Variants in ESRRB observed in about 807,000 individuals in gnomAD.
ESRRB encodes the protein estrogen related receptor beta.
A neutral mutation model predicts 46.0 loss-of-function variants in ESRRB; 16 were observed. The ratio of observed to expected loss-of-function variants is 0.35; its 90% CI spans 0.24 to 0.53. The LOEUF is 0.53. Among genes scored for constraint, ESRRB ranks in the 20% least tolerant of loss-of-function variants. The probability of loss-of-function intolerance (pLI) is 0.93; values close to 1 mark genes in which losing one functional copy is unlikely to be tolerated. For missense variants in ESRRB, 488 were observed against 607.4 expected, an observed-to-expected ratio of 0.80 and a Z score of 2.07; for synonymous variants, 246 against 259.6, an observed-to-expected ratio of 0.95 and a Z score of 0.50.
intron 1 of ESRRB, among the ~76,000 whole-genome samples, chr14:76,353,298 C>T (rs535634609): frequency 1.3e-5 from 2 of 152,292 alleles, no homozygotes; most frequent in African/African-American, 2.4e-5. Flanking sequence ...TCCCCAACCC[C>T]ACCACTTTTT....
intron 1 of ESRRB, among the ~76,000 whole-genome samples, chr14:76,344,943 AT>A: frequency 6.6e-6 from 1 of 152,076 alleles, no homozygotes; most frequent in African/African-American, 2.4e-5. Flanking sequence ...GTATTCCATC[AT>A]ATATATACTA....
In ESRRB at chr14:76,477,441, T is replaced by A. The variant is rs557090231; in HGVS notation, c.578-4575T>A. Among the ~76,000 whole-genome samples, 2 of 152,328 alleles carry A rather than the reference T, an allele frequency of 1.3e-5. 1 individual carries two copies. The highest frequency in any genetic ancestry group is 4.1e-4 in the South Asian group (2 of 4,830). On this transcript the variant is annotated intron_variant, in intron 3 of 6. Coordinates refer to ENST00000644823, the MANE Select transcript of ESRRB (RefSeq NM_001379180.1). Reference sequence around the variant, plus strand: ...CTGCTTTCCAGCTTACCAAGCATTTTCTCATCATTAAGTCATACAATTGTC... The same window carrying A: ...CTGCTTTCCAGCTTACCAAGCATTTACTCATCATTAAGTCATACAATTGTC...
At chr14:76,383,343 G>GT (rs11363854) in intron 1 of ESRRB, among the ~76,000 whole-genome samples, 236 of 147,778 alleles carry the variant, frequency 1.6e-3, no homozygotes, top group South Asian at 4.3e-3. Context: ...ATTTTTATTG[G>GT]TTTTTTTTTT....
chr14:76,358,397 A>AAGAGAGAG (rs1429412640), intron 1 of ESRRB, among the ~76,000 whole-genome samples: 46 of 127,046 alleles, frequency 3.6e-4, no homozygotes, highest in African/African-American at 1.4e-3. Flanking sequence ...GAAAGAAAGA[A>AAGAGAGAG]AGAAAGAAAG....
chr14:76,432,034 C>T (rs1046285677), intron 1 of ESRRB, among the ~76,000 whole-genome samples: 1 of 152,214 alleles, frequency 6.6e-6, no homozygotes, highest in East Asian at 1.9e-4. Flanking sequence ...CTCAGCCTCC[C>T]GGAGACCACC....
chr14:76,483,923 G>A (rs549329088), intron 5 of ESRRB, among the ~76,000 whole-genome samples: 3 of 152,196 alleles, frequency 2.0e-5, no homozygotes, highest in Admixed American at 6.5e-5. Context: ...GCGCGATCTC[G>A]GCTCACTGCA....
intron 1 of ESRRB, among the ~76,000 whole-genome samples, chr14:76,409,103 A>G (rs10135736): frequency 0.26 from 38,882 of 152,126 alleles, 5,780 homozygotes; most frequent in African/African-American, 0.4. Context: ...GGGAACGCCC[A>G]GGCTTCCCCT....
Position 76,432,769 on chromosome 14 carries a change from G to A in ESRRB, c.51-6572G>A, listed in dbSNP as rs373694095. ...CAGCTCACTGCAACCTCCGCCTCCC[G>A]GGTTCAAGTGATTCTCCTGCTTCAG... On this transcript the variant is annotated intron_variant, in intron 1 of 6. Transcript: ENST00000644823. Among the ~76,000 whole-genome samples, 226 of 141,754 alleles carry A rather than the reference G, an allele frequency of 1.6e-3. 30 individuals are homozygous for A. Among genetic ancestry groups the A allele is most frequent in the African/African-American group, 5.7e-3 (205 of 35,824 alleles). 93.0% of individuals were successfully genotyped at this position (141,754 alleles called of 152,430 possible). A position where few individuals can be genotyped will look rare whatever the true frequency, so the allele number is the denominator to read the frequency against.
chr14:76,500,175 G>C lies in ESRRB; in HGVS notation c.*1717G>C. On this transcript the variant is annotated 3_prime_UTR_variant, in exon 7 of 7. Coordinates refer to ENST00000644823, the MANE Select transcript of ESRRB (RefSeq NM_001379180.1). ...GCTGGGACGTGCTGAGGTCATCCCA[G>C]ACAGGAGGGAGGGCTGGCTGAAATC... The C allele has an allele frequency of 1.1e-6, 1 of 874,444 alleles. No homozygotes were observed. Among genetic ancestry groups the C allele is most frequent in the Non-Finnish European group, 1.8e-6 (1 of 568,478 alleles). The allele number at this position is 874,444 out of a possible 1,614,324, so 54.2% of individuals were successfully genotyped here.
chr14:76,398,846 C>A (rs1236262835), intron 1 of ESRRB, among the ~76,000 whole-genome samples: 1 of 152,166 alleles, frequency 6.6e-6, no homozygotes, highest in Non-Finnish European at 1.5e-5. Context: ...GAGTCTGACT[C>A]CAGCCTAGGT....
chr14:76,427,065 T>C (rs1286235370), intron 1 of ESRRB, among the ~76,000 whole-genome samples: 2 of 152,170 alleles, frequency 1.3e-5, no homozygotes, highest in African/African-American at 2.4e-5. Flanking sequence ...CTGGGGCTTC[T>C]AGGACTCTCT....
At chr14:76,455,295 G>C (rs1327670802) in intron 2 of ESRRB, among the ~76,000 whole-genome samples, 1 of 151,976 alleles carries the variant, frequency 6.6e-6, no homozygotes, top group Non-Finnish European at 1.5e-5. Context: ...CTCTAATTCA[G>C]AGTTAACCAT....
intron 1 of ESRRB, among the ~76,000 whole-genome samples, chr14:76,410,166 G>A (rs1450470720): frequency 6.6e-6 from 1 of 152,236 alleles, no homozygotes; most frequent in Non-Finnish European, 1.5e-5. Context: ...GGAGGTTGCA[G>A]TGAGCTGAGT....
At chr14:76,339,937 G>T (rs1229339105) in intron 1 of ESRRB, among the ~76,000 whole-genome samples, 1 of 152,192 alleles carries the variant, frequency 6.6e-6, no homozygotes, top group Non-Finnish European at 1.5e-5. Flanking sequence ...AGGAGGGAGA[G>T]GCCGGGACAC....
chr14:76,339,972 T>C (rs901086267), intron 1 of ESRRB, among the ~76,000 whole-genome samples: 5 of 152,118 alleles, frequency 3.3e-5, no homozygotes, highest in Admixed American at 6.5e-5. Flanking sequence ...GATTTCTTCA[T>C]CTTATCAATC....
rs187936854 is a variant in ESRRB at position 76,455,401 on chromosome 14, T to C, written c.461-7144T>C. Among the ~76,000 whole-genome samples, 4 of 152,274 alleles carry C rather than the reference T, an allele frequency of 2.6e-5. No homozygotes were observed. The East Asian group carries it at 5.8e-4, about 22-fold the overall frequency. The stretch of plus-strand genomic sequence containing the variant: ...TACCTTCTTTCTTGACTTGCTGTTA[T>C]GGAAGATGAGTTAGCTCCAATTACA... On this transcript the variant is annotated intron_variant, in intron 2 of 6. Transcript: ENST00000644823.
chr14:76,432,671 CTTTTT>C (rs529243634), intron 1 of ESRRB, among the ~76,000 whole-genome samples: 14 of 111,434 alleles, frequency 1.3e-4, no homozygotes, highest in African/African-American at 3.9e-4. Context: ...TTCTCTCTCT[CTTTTT>C]TTTTTTTTTT....
intron 1 of ESRRB, chr14:76,311,053 T>G: frequency 2.6e-6 from 1 of 385,554 alleles, no homozygotes; most frequent in South Asian, 1.9e-5. Flanking sequence ...TGCCTGTTCT[T>G]TCATCCTGGT....
chr14:76,421,039 G>A (rs1479956294), intron 1 of ESRRB, among the ~76,000 whole-genome samples: 2 of 152,186 alleles, frequency 1.3e-5, no homozygotes, highest in Non-Finnish European at 2.9e-5. Context: ...TGCTGGCCTT[G>A]GAACACTGGT....
Sources: allele counts gnomAD v4.1 joint callset (sites outside exome capture counted in the v4.1 genomes callset), GRCh38; gene constraint gnomAD v4.1.1; transcripts MANE v1.5; gene names NCBI Gene and HGNC (gene_info 2026-07-23, HGNC 2026-07-21).